Variants in RMRP observed in about 807,000 individuals in gnomAD.
The protein encoded by RMRP is RNase MRP RNA.
exon 1 of RMRP, chr9:35,658,015 A>AACCACGTCCTC: frequency 1.4e-6 from 1 of 690,938 alleles, no homozygotes; most frequent in Non-Finnish European, 2.7e-6. Flanking sequence ...CTTCAGCACG[A>AACCACGTCCTC]ACCACGTCCT....
chr9:35,657,862 C>G lies in RMRP; in HGVS notation n.156G>C, dbSNP rs7021463. 0.13 allele frequency: 93,702 copies of G among 700,316 alleles called. 7,723 individuals are homozygous for G. Among genetic ancestry groups the G allele is most frequent in the African/African-American group, 0.31 (17,562 of 57,244 alleles). The allele number at this position is 700,316 out of a possible 1,614,324, so 43.4% of individuals were successfully genotyped here. On this transcript the variant is annotated non_coding_transcript_exon_variant, in exon 1 of 1. Coordinates refer to ENST00000363046, the Ensembl canonical transcript of RMRP. ...CCGCGCCACGCCGCTCAGCGGGATA[C>G]GCTTCTTGGCGGACTTTGGAGTGGG... is the stretch of plus-strand genomic sequence containing the variant.
chr9:35,657,813 AG>A (rs1587917917), exon 1 of RMRP: 1 of 700,316 alleles, frequency 1.4e-6, no homozygotes. Context: ...CTGCGTAACT[AG>A]AGGGAGCTGA....
At chr9:35,658,011 C>CACGA (rs1221513961) in exon 1 of RMRP, 1 of 692,270 alleles carries the variant, frequency 1.4e-6, no homozygotes, top group Non-Finnish European at 2.6e-6. Context: ...AGGCCTTCAG[C>CACGA]ACGAACCACG....
In RMRP at chr9:35,657,787, C is replaced by T. The variant is rs774897161; in HGVS notation, n.231G>A. The T allele has an allele frequency of 1.7e-5, 12 of 697,560 alleles. No homozygotes were observed. Among genetic ancestry groups the T allele is most frequent in the Admixed American group, 8.0e-5 (4 of 49,940 alleles). The allele number at this position is 697,560 out of a possible 1,614,324, so 43.2% of individuals were successfully genotyped here. A position where few individuals can be genotyped will look rare whatever the true frequency, so the allele number is the denominator to read the frequency against. ...GAGAATGAGCCCCGTGTGGTTGGTG[C>T]GCGGACACGCACTGCCTGCGTAACT... is the stretch of plus-strand genomic sequence containing the variant. On this transcript the variant is annotated non_coding_transcript_exon_variant, in exon 1 of 1. Coordinates refer to ENST00000363046, the Ensembl canonical transcript of RMRP.
At position 35,657,863 on chromosome 9, in the gene RMRP, G is replaced by C. The variant is rs149105942; in HGVS notation, n.155C>G. On this transcript the variant is annotated non_coding_transcript_exon_variant, in exon 1 of 1. Coordinates refer to ENST00000363046, the Ensembl canonical transcript of RMRP. ...CGCGCCACGCCGCTCAGCGGGATAC[G>C]CTTCTTGGCGGACTTTGGAGTGGGA... is the stretch of plus-strand genomic sequence containing the variant. 4 of 693,250 alleles carry C rather than the reference G, an allele frequency of 5.8e-6. No homozygotes were observed. In the African/African-American group the frequency reaches 5.9e-5, roughly 10 times the overall value. The allele number at this position is 693,250 out of a possible 1,614,324, so 42.9% of individuals were successfully genotyped here.
Position 35,657,934 on chromosome 9 carries a change from A to AG in RMRP, n.83dup, listed in dbSNP as rs1222001621. On this transcript the variant is annotated non_coding_transcript_exon_variant, in exon 1 of 1. Transcript: ENST00000363046. ...GTATGCACGTGGCACTCTCTGCCCG[A>AG]GGTCCGGGGACTTTCCCCTAGGCGG... 5.7e-6 allele frequency: 4 copies of AG among 700,318 alleles called. No homozygotes were observed. The highest frequency in any genetic ancestry group is 1.7e-5 in the African/African-American group (1 of 57,194). The allele number at this position is 700,318 out of a possible 1,614,324, so 43.4% of individuals were successfully genotyped here.
In RMRP at chr9:35,657,766, A is replaced by G. The variant is rs781079047; in HGVS notation, n.252T>C. On this transcript the variant is annotated non_coding_transcript_exon_variant, in exon 1 of 1. Coordinates refer to ENST00000363046, the Ensembl canonical transcript of RMRP. ...GGAACAAAAAACAGCCGCGCTGAGA[A>G]TGAGCCCCGTGTGGTTGGTGCGCGG... 11 of 692,808 alleles carry G rather than the reference A, an allele frequency of 1.6e-5. No homozygotes were observed. Among genetic ancestry groups the G allele is most frequent in the Non-Finnish European group, 5.3e-6 (2 of 378,634 alleles). The allele number at this position is 692,808 out of a possible 1,614,324, so 42.9% of individuals were successfully genotyped here. A position where few individuals can be genotyped will look rare whatever the true frequency, so the allele number is the denominator to read the frequency against.
At chr9:35,657,752 C>G (rs535022008), downstream of RMRP, 109 of 683,918 alleles carry the variant, frequency 1.6e-4, no homozygotes, top group East Asian at 2.8e-3. Flanking sequence ...GAACAAAAAA[C>G]AGCCGCGCTG....
exon 1 of RMRP, chr9:35,657,994 A>C: frequency 1.4e-6 from 1 of 699,116 alleles, no homozygotes; most frequent in Non-Finnish European, 2.6e-6. Context: ...TGTGTAGCCT[A>C]GGATACAGGC....
chr9:35,658,015 A>AACCACGTCCTCAGCTTC lies in RMRP; in HGVS notation n.2_3insGAAGCTGAGGACGTGGT, dbSNP rs878853178. 19 of 690,820 alleles carry AACCACGTCCTCAGCTTC rather than the reference A, an allele frequency of 2.8e-5. No homozygotes were observed. The East Asian group carries it at 4.9e-4, about 18-fold the overall frequency. 42.8% of individuals were successfully genotyped at this position (690,820 alleles called of 1,614,324 possible). A position where few individuals can be genotyped will look rare whatever the true frequency, so the allele number is the denominator to read the frequency against. On this transcript the variant is annotated non_coding_transcript_exon_variant, in exon 1 of 1. Coordinates refer to ENST00000363046, the Ensembl canonical transcript of RMRP. Reference sequence around the variant, plus strand: ...GCCTAGGATACAGGCCTTCAGCACGAACCACGTCCTCAGCTTCACAGAGTA... The same window carrying AACCACGTCCTCAGCTTC: ...GCCTAGGATACAGGCCTTCAGCACGAACCACGTCCTCAGCTTCACCACGTCCTCAGCTTCACAGAGTA...
chr9:35,657,924 T>TA lies in RMRP; in HGVS notation n.93_94insT. The TA allele has an allele frequency of 1.4e-6, 1 of 700,414 alleles. No homozygotes were observed. Among genetic ancestry groups the TA allele is most frequent in the Non-Finnish European group, 2.6e-6 (1 of 384,804 alleles). 43.4% of individuals were successfully genotyped at this position (700,414 alleles called of 1,614,324 possible). A position where few individuals can be genotyped will look rare whatever the true frequency, so the allele number is the denominator to read the frequency against. On this transcript the variant is annotated non_coding_transcript_exon_variant, in exon 1 of 1. Coordinates refer to ENST00000363046, the Ensembl canonical transcript of RMRP. ...GTCTACGTGCGTATGCACGTGGCAC[T>TA]CTCTGCCCGAGGTCCGGGGACTTTC...
chr9:35,658,006 T>C lies in RMRP; in HGVS notation n.12A>G, dbSNP rs534146932. ...CAGTGTGTAGCCTAGGATACAGGCC[T>C]TCAGCACGAACCACGTCCTCAGCTT... On this transcript the variant is annotated non_coding_transcript_exon_variant, in exon 1 of 1. Coordinates refer to ENST00000363046, the Ensembl canonical transcript of RMRP. 2.5e-5 allele frequency: 17 copies of C among 693,610 alleles called. No individual in the cohort carries two copies. Among genetic ancestry groups the C allele is most frequent in the Non-Finnish European group, 4.5e-5 (17 of 379,490 alleles). 43.0% of individuals were successfully genotyped at this position (693,610 alleles called of 1,614,324 possible).
Position 35,657,796 on chromosome 9 carries a change from G to C in RMRP, n.222C>G, listed in dbSNP as rs1364719732. 2 of 699,754 alleles carry C rather than the reference G, an allele frequency of 2.9e-6. No homozygotes were observed. The highest frequency in any genetic ancestry group is 5.2e-6 in the Non-Finnish European group (2 of 384,350). 43.3% of individuals were successfully genotyped at this position (699,754 alleles called of 1,614,324 possible). A position where few individuals can be genotyped will look rare whatever the true frequency, so the allele number is the denominator to read the frequency against. On this transcript the variant is annotated non_coding_transcript_exon_variant, in exon 1 of 1. Transcript: ENST00000363046. ...CCCCGTGTGGTTGGTGCGCGGACAC[G>C]CACTGCCTGCGTAACTAGAGGGAGC...
Position 35,657,803 on chromosome 9 carries a change from C to T in RMRP, n.215G>A, listed in dbSNP as rs1823603798. On this transcript the variant is annotated non_coding_transcript_exon_variant, in exon 1 of 1. Transcript: ENST00000363046. ...TGGTTGGTGCGCGGACACGCACTGC[C>T]TGCGTAACTAGAGGGAGCTGACGGA... 3 of 692,076 alleles carry T rather than the reference C, an allele frequency of 4.3e-6. No homozygotes were observed. Among genetic ancestry groups the T allele is most frequent in the South Asian group, 3.0e-5 (2 of 67,508 alleles). The allele number at this position is 692,076 out of a possible 1,614,324, so 42.9% of individuals were successfully genotyped here.
Position 35,657,890 on chromosome 9 carries a change from G to A in RMRP, n.128C>T, listed in dbSNP as rs1335579840. 2.9e-6 allele frequency: 2 copies of A among 700,356 alleles called. No homozygotes were observed. The highest frequency in any genetic ancestry group is 2.6e-6 in the Non-Finnish European group (1 of 384,840). 43.4% of individuals were successfully genotyped at this position (700,356 alleles called of 1,614,324 possible). On this transcript the variant is annotated non_coding_transcript_exon_variant, in exon 1 of 1. Transcript: ENST00000363046. ...TTCTTGGCGGACTTTGGAGTGGGAA[G>A]CGGGGAATGTCTACGTGCGTATGCA... is the stretch of plus-strand genomic sequence containing the variant.
In RMRP at chr9:35,657,858, G is replaced by GA; in HGVS notation, n.159dup. ...GCCCCCGCGCCACGCCGCTCAGCGG[G>GA]ATACGCTTCTTGGCGGACTTTGGAG... On this transcript the variant is annotated non_coding_transcript_exon_variant, in exon 1 of 1. Transcript: ENST00000363046. The GA allele has an allele frequency of 1.4e-6, 1 of 700,472 alleles. No individual in the cohort carries two copies. Among genetic ancestry groups the GA allele is most frequent in the Non-Finnish European group, 2.6e-6 (1 of 384,828 alleles). 43.4% of individuals were successfully genotyped at this position (700,472 alleles called of 1,614,324 possible). A position where few individuals can be genotyped will look rare whatever the true frequency, so the allele number is the denominator to read the frequency against.
rs1587918293 is a variant in RMRP, at chr9:35,657,886, G to A, written n.132C>T. On this transcript the variant is annotated non_coding_transcript_exon_variant, in exon 1 of 1. Coordinates refer to ENST00000363046, the Ensembl canonical transcript of RMRP. ...ACGCTTCTTGGCGGACTTTGGAGTG[G>A]GAAGCGGGGAATGTCTACGTGCGTA... 4 of 700,478 alleles carry A rather than the reference G, an allele frequency of 5.7e-6. No individual in the cohort carries two copies. The highest frequency in any genetic ancestry group is 2.0e-5 in the Admixed American group (1 of 50,014). 43.4% of individuals were successfully genotyped at this position (700,478 alleles called of 1,614,324 possible).
At chr9:35,658,008 C>G in exon 1 of RMRP, 1 of 692,566 alleles carries the variant, frequency 1.4e-6, no homozygotes, top group Non-Finnish European at 2.6e-6. Context: ...TACAGGCCTT[C>G]AGCACGAACC....
Position 35,657,982 on chromosome 9 carries a change from A to C in RMRP, n.36T>G, listed in dbSNP as rs961529478. The stretch of plus-strand genomic sequence containing the variant: ...CGGAAAGGGGAGGAACAGAGTCCTC[A>C]GTGTGTAGCCTAGGATACAGGCCTT... On this transcript the variant is annotated non_coding_transcript_exon_variant, in exon 1 of 1. Transcript: ENST00000363046. 15 of 700,316 alleles carry C rather than the reference A, an allele frequency of 2.1e-5. No homozygotes were observed. The highest frequency in any genetic ancestry group is 7.0e-5 in the African/African-American group (4 of 57,206). 43.4% of individuals were successfully genotyped at this position (700,316 alleles called of 1,614,324 possible).
Sources: allele counts gnomAD v4.1 joint callset, GRCh38; gene constraint gnomAD v4.1.1; transcripts MANE v1.5; gene names NCBI Gene and HGNC (gene_info 2026-07-23, HGNC 2026-07-21).